The following KCND2 variants were observed in gnomAD, a reference collection of about 807,000 sequenced individuals.
KCND2 encodes the protein A-type voltage-gated potassium channel KCND2.
Under a neutral mutation model 54.4 loss-of-function variants are expected in KCND2, and 16 were observed. The observed-to-expected ratio is 0.29, with a 90% CI of 0.20 to 0.45. The LOEUF (loss-of-function observed/expected upper bound fraction) is 0.45. Among genes scored for constraint, KCND2 ranks in the 20% least tolerant of loss-of-function variants. KCND2 has a pLI of 1.00. For synonymous variants in KCND2, 317 were observed against 310.7 expected (o/e 1.02, Z -0.21); for missense variants, 486 against 824.2 (o/e 0.59, Z 5.02).
intron 1 of KCND2, among the ~76,000 whole-genome samples, chr7:120,533,593 A>C (rs1791868150): frequency 6.6e-6 from 1 of 152,128 alleles, no homozygotes; most frequent in Admixed American, 6.6e-5. Context: ...GACTAACATA[A>C]ATTTATTACT....
chr7:120,286,562 C>T (rs901041030), intron 1 of KCND2, among the ~76,000 whole-genome samples: 27 of 151,914 alleles, frequency 1.8e-4, no homozygotes, highest in African/African-American at 5.8e-4. Context: ...ATTTGCCTTG[C>T]ATTAGAGTAA....
chr7:120,598,428 T>G (rs1467740867), intron 1 of KCND2, among the ~76,000 whole-genome samples: 8 of 152,240 alleles, frequency 5.3e-5, no homozygotes, highest in Non-Finnish European at 1.5e-5. Context: ...GCTAGATCAT[T>G]TGATAATGGT....
chr7:120,352,926 T>G (rs1800436759), intron 1 of KCND2, among the ~76,000 whole-genome samples: 1 of 151,994 alleles, frequency 6.6e-6, no homozygotes, highest in Non-Finnish European at 1.5e-5. Flanking sequence ...GATCATATTC[T>G]AGGAGTGAGA....
rs141523812 is a variant in KCND2 at position 120,321,473 on chromosome 7, A to G, written c.1115+45726A>G. Among the ~76,000 whole-genome samples, 147 of 152,262 alleles carry G rather than the reference A, an allele frequency of 9.7e-4. 1 individual carries two copies. The highest frequency in any genetic ancestry group is 2.6e-4 in the Non-Finnish European group (18 of 68,010). ...TGTTAGAAAGTTACAGATTTTTAACATAATTTGTCTAAGGGCTTTATATTT... is the reference window on the plus strand; with the variant it reads ...TGTTAGAAAGTTACAGATTTTTAACGTAATTTGTCTAAGGGCTTTATATTT... On this transcript the variant is annotated intron_variant, in intron 1 of 5. Coordinates refer to ENST00000331113, the MANE Select transcript of KCND2 (RefSeq NM_012281.3).
chr7:120,359,659 A>C (rs145967401), intron 1 of KCND2, among the ~76,000 whole-genome samples: 9 of 152,246 alleles, frequency 5.9e-5, no homozygotes, highest in African/African-American at 2.2e-4. Context: ...ATATGGGAAA[A>C]GTTTCTGCAT....
chr7:120,408,147 C>A (rs115954887), intron 1 of KCND2, among the ~76,000 whole-genome samples: 7 of 151,508 alleles, frequency 4.6e-5, no homozygotes, highest in Non-Finnish European at 5.9e-5. Flanking sequence ...TGAAGGGATG[C>A]GAAGGAGAAG....
At chr7:120,624,679 G>A (rs930150793) in intron 1 of KCND2, among the ~76,000 whole-genome samples, 18 of 152,086 alleles carry the variant, frequency 1.2e-4, no homozygotes, top group African/African-American at 3.9e-4. Flanking sequence ...TAATTTGGCG[G>A]CTGAGGTGGG....
chr7:120,489,565 G>C (rs1480098712), intron 1 of KCND2, among the ~76,000 whole-genome samples: 4 of 152,078 alleles, frequency 2.6e-5, no homozygotes, highest in Non-Finnish European at 4.4e-5. Context: ...CCTCCAACTT[G>C]CTGACACAGA....
rs1441920598 is a variant in KCND2, at chr7:120,333,617, T to C, written c.1115+57870T>C. 2.0e-5 allele frequency among the ~76,000 whole-genome samples: 3 copies of C among 152,154 alleles called. No homozygotes were observed. The East Asian group carries it at 5.8e-4, about 29-fold the overall frequency. ...TAAAAATTTGTGGAAATGATTTTAA[T>C]ATAATAATTTCCAGAATACAGTGTG... On this transcript the variant is annotated intron_variant, in intron 1 of 5. Transcript: ENST00000331113.
chr7:120,311,899 T>C (rs1044471335), intron 1 of KCND2, among the ~76,000 whole-genome samples: 7 of 152,164 alleles, frequency 4.6e-5, no homozygotes, highest in African/African-American at 1.7e-4. Context: ...GGACATGGTC[T>C]CAATTTTTTT....
At chr7:120,739,792 AAAAG>A (rs1792917081) in intron 2 of KCND2, among the ~76,000 whole-genome samples, 1 of 141,228 alleles carries the variant, frequency 7.1e-6, no homozygotes, top group Non-Finnish European at 1.5e-5. Context: ...AAGACTTAAC[AAAAG>A]AAACACACAC....
intron 1 of KCND2, among the ~76,000 whole-genome samples, chr7:120,357,419 G>A (rs1800522446): frequency 6.6e-6 from 1 of 151,996 alleles, no homozygotes; most frequent in African/African-American, 2.4e-5. Flanking sequence ...TATCCCATCA[G>A]TAGTTTAAAT....
intron 1 of KCND2, among the ~76,000 whole-genome samples, chr7:120,377,319 T>G (rs1426831246): frequency 1.3e-5 from 2 of 151,966 alleles, no homozygotes; most frequent in African/African-American, 2.4e-5. Context: ...CTTCATTTAC[T>G]GTGTGAAAAA....
At position 120,544,835 on chromosome 7, in the gene KCND2, G is replaced by A. The variant is rs905208197; in HGVS notation, c.1116-188068G>A. On this transcript the variant is annotated intron_variant, in intron 1 of 5. Transcript: ENST00000331113. ...TTAATGTGGGAGTTCAAAATCACCT[G>A]GTTTTCTTGGGAAATTAAGTGATAA... Among the ~76,000 whole-genome samples, 36 of 151,916 alleles carry A rather than the reference G, an allele frequency of 2.4e-4. 1 individual carries two copies. In the Middle Eastern group the frequency reaches 0.01, roughly 43 times the overall value.
intron 1 of KCND2, among the ~76,000 whole-genome samples, chr7:120,384,085 C>T (rs1230213376): frequency 6.6e-6 from 1 of 152,030 alleles, no homozygotes; most frequent in East Asian, 1.9e-4. Context: ...CTACCCCATC[C>T]TCCCATAATC....
chr7:120,467,357 T>C (rs1045667279), intron 1 of KCND2, among the ~76,000 whole-genome samples: 2 of 152,126 alleles, frequency 1.3e-5, no homozygotes, highest in African/African-American at 4.8e-5. Flanking sequence ...TAGAACAGAA[T>C]CAGTGTCCTT....
At chr7:120,648,816 T>C (rs1393444605) in intron 1 of KCND2, among the ~76,000 whole-genome samples, 2 of 152,240 alleles carry the variant, frequency 1.3e-5, no homozygotes, top group African/African-American at 2.4e-5. Context: ...AAATAGCATT[T>C]CATCTAAATG....
chr7:120,360,495 A>G (rs980286432), intron 1 of KCND2, among the ~76,000 whole-genome samples: 2 of 152,060 alleles, frequency 1.3e-5, no homozygotes, highest in Non-Finnish European at 2.9e-5. Context: ...CATTTTAAAA[A>G]CTGCCAAATT....
At chr7:120,507,098 C>A (rs923903237) in intron 1 of KCND2, among the ~76,000 whole-genome samples, 1 of 151,826 alleles carries the variant, frequency 6.6e-6, no homozygotes, top group Non-Finnish European at 1.5e-5. Context: ...GTTATTCAGT[C>A]TTAAGTAGAA....
Sources: allele counts gnomAD v4.1 joint callset (sites outside exome capture counted in the v4.1 genomes callset), GRCh38; gene constraint gnomAD v4.1.1; transcripts MANE v1.5; gene names NCBI Gene and HGNC (gene_info 2026-07-23, HGNC 2026-07-21).